DIS3L2: variants seen among roughly 807,000 people sequenced by gnomAD.
DIS3L2 encodes DIS3 like 3'-5' exoribonuclease 2, also known as DIS3-like exonuclease 2.
A neutral mutation model predicts 97.5 loss-of-function variants in DIS3L2; 34 were observed. The ratio of observed to expected loss-of-function variants is 0.35; its 90% CI spans 0.27 to 0.46. DIS3L2 has a LOEUF of 0.46. DIS3L2 is among the 20% of genes least tolerant of loss of function. The pLI is 1.00. For synonymous variants in DIS3L2, 435 were observed against 445.2 expected (o/e 0.98, Z 0.29); for missense variants, 1,038 against 1,146.0 (o/e 0.91, Z 1.36).
At chr2:231,974,623 A>T (rs1331826738) in intron 1 of DIS3L2, among the ~76,000 whole-genome samples, 9 of 151,112 alleles carry the variant, frequency 6.0e-5, no homozygotes, top group South Asian at 2.1e-4. Context: ...ATTCTTTTTT[A>T]AAAAAATTTT....
chr2:232,121,271 C>T (rs1299684570), intron 6 of DIS3L2, among the ~76,000 whole-genome samples: 1 of 152,172 alleles, frequency 6.6e-6, no homozygotes, highest in Non-Finnish European at 1.5e-5. Context: ...CTTTCTTTGT[C>T]TTCTCTGATT....
chr2:232,050,522 C>T (rs1695371627), intron 5 of DIS3L2, among the ~76,000 whole-genome samples: 1 of 152,060 alleles, frequency 6.6e-6, no homozygotes, highest in Non-Finnish European at 1.5e-5. Context: ...GTGTTCCACC[C>T]ACCTCGGCCT....
chr2:231,989,342 T>TGTGC (rs1491165138), intron 1 of DIS3L2, among the ~76,000 whole-genome samples: 1 of 37,370 alleles, frequency 2.7e-5, no homozygotes, highest in African/African-American at 5.2e-5. Flanking sequence ...AGTATAATTG[T>TGTGC]GTGTGTGTGT....
chr2:232,214,766 C>T (rs1366499463), intron 10 of DIS3L2, among the ~76,000 whole-genome samples: 1 of 152,184 alleles, frequency 6.6e-6, no homozygotes, highest in Non-Finnish European at 1.5e-5. Context: ...TGTGGCTTTG[C>T]CTTAGTCTCT....
chr2:231,988,123 G>A (rs1288622858), intron 1 of DIS3L2, among the ~76,000 whole-genome samples: 3 of 152,184 alleles, frequency 2.0e-5, no homozygotes, highest in African/African-American at 7.2e-5. Context: ...GATTATAGGC[G>A]TGAGCCACCG....
At chr2:232,008,601 A>G (rs1694113962) in intron 1 of DIS3L2, among the ~76,000 whole-genome samples, 1 of 152,172 alleles carries the variant, frequency 6.6e-6, no homozygotes, top group South Asian at 2.1e-4. Context: ...TGGGGATGGT[A>G]GGGTTAGTAC....
chr2:232,176,796 T>A (rs181328333), intron 9 of DIS3L2, among the ~76,000 whole-genome samples: 3,916 of 149,148 alleles, frequency 0.026, 84 homozygotes, highest in Middle Eastern at 0.039. Context: ...TTAATTAATT[T>A]ATTATTATTA....
At chr2:232,172,772 A>G (rs772326686) in intron 9 of DIS3L2, 2 of 534,194 alleles carry the variant, frequency 3.7e-6, no homozygotes, top group Non-Finnish European at 7.7e-6. Context: ...GTTGCTCCAT[A>G]TCCTAACACT....
intron 1 of DIS3L2, among the ~76,000 whole-genome samples, chr2:232,001,606 T>C (rs1030791998): frequency 3.3e-5 from 5 of 150,554 alleles, no homozygotes; most frequent in Non-Finnish European, 5.9e-5. Context: ...GCTTTTGTAT[T>C]TTTAAAGAAA....
chr2:232,272,911 CA>C (rs1373359738), intron 13 of DIS3L2, among the ~76,000 whole-genome samples: 1 of 152,094 alleles, frequency 6.6e-6, no homozygotes, highest in Admixed American at 6.5e-5. Flanking sequence ...ACTCTGAAAG[CA>C]AAATTGACTC....
intron 6 of DIS3L2, among the ~76,000 whole-genome samples, chr2:232,122,537 T>A (rs1235738533): frequency 6.6e-6 from 1 of 152,000 alleles, no homozygotes; most frequent in Non-Finnish European, 1.5e-5. Context: ...ACCAACATGG[T>A]GAAACCCTGT....
At chr2:232,155,840 A>G (rs974549830) in intron 8 of DIS3L2, among the ~76,000 whole-genome samples, 4 of 152,050 alleles carry the variant, frequency 2.6e-5, no homozygotes, top group Non-Finnish European at 5.9e-5. Flanking sequence ...AATACAAAAA[A>G]TTAGCCAGGT....
chr2:232,076,690 ATTTCT>A (rs1223785517), intron 5 of DIS3L2, among the ~76,000 whole-genome samples: 1 of 152,082 alleles, frequency 6.6e-6, no homozygotes. Context: ...GCCTTTTAAA[ATTTCT>A]TTTATTATAT....
At chr2:232,336,317 T>A (rs1400132073) in intron 20 of DIS3L2, 152 bp from the exon 21 acceptor site, 8 of 1,547,052 alleles carry the variant, frequency 5.2e-6, no homozygotes, top group Non-Finnish European at 7.0e-6. Flanking sequence ...CAGGGCATTC[T>A]TCCTGGAGGG....
intron 14 of DIS3L2, 25 bp from the exon 15 acceptor site, chr2:232,329,788 C>CGGGGGGA: frequency 3.7e-6 from 4 of 1,080,626 alleles, no homozygotes; most frequent in Non-Finnish European, 5.1e-6. Flanking sequence ...CCAGCGGTCC[C>CGGGGGGA]TCCCATCCCA....
chr2:231,970,331 A>G (rs959425117), intron 1 of DIS3L2, among the ~76,000 whole-genome samples: 2 of 152,322 alleles, frequency 1.3e-5, no homozygotes, highest in East Asian at 1.9e-4. Flanking sequence ...ATGCATTCTG[A>G]GAAATGCATT....
At chr2:232,092,053 A>G (rs1383420734) in intron 6 of DIS3L2, among the ~76,000 whole-genome samples, 1 of 152,164 alleles carries the variant, frequency 6.6e-6, no homozygotes, top group Non-Finnish European at 1.5e-5. Context: ...TCTTTAATCC[A>G]TTTTGATTTG....
At chr2:232,130,788 T>G (rs780410596) in intron 7 of DIS3L2, 69 bp downstream of exon 7, 1 of 1,587,004 alleles carries the variant, frequency 6.3e-7, no homozygotes, top group South Asian at 1.2e-5. Context: ...GAAGATCTCG[T>G]GTGATTCAGT....
At chr2:232,012,675 A>T (rs1358725690) in intron 1 of DIS3L2, among the ~76,000 whole-genome samples, 1 of 151,434 alleles carries the variant, frequency 6.6e-6, no homozygotes, top group Non-Finnish European at 1.5e-5. Flanking sequence ...CTACATCTTC[A>T]TTAGCTTCTT....
Sources: allele counts gnomAD v4.1 joint callset (sites outside exome capture counted in the v4.1 genomes callset), GRCh38; gene constraint gnomAD v4.1.1; transcripts MANE v1.5; gene names NCBI Gene and HGNC (gene_info 2026-07-23, HGNC 2026-07-21).